Variants in CNOT6 observed in about 807,000 individuals in gnomAD.
CNOT6 encodes CCR4-NOT transcription complex subunit 6.
A neutral mutation model predicts 61.2 loss-of-function variants in CNOT6; 12 were observed. The observed-to-expected ratio is 0.20, with a 90% CI of 0.13 to 0.32. CNOT6 has a LOEUF of 0.32. Ranked by LOEUF, CNOT6 falls within the 10% of genes least tolerant of loss-of-function variation. CNOT6 has a pLI of 1.00. For synonymous variants in CNOT6, 225 were observed against 240.6 expected (o/e 0.94, Z 0.60); for missense variants, 405 against 663.9 (o/e 0.61, Z 4.28).
At chr5:180,564,166 C>T (rs1389513948) in intron 4 of CNOT6, among the ~76,000 whole-genome samples, 4 of 152,168 alleles carry the variant, frequency 2.6e-5, no homozygotes, top group South Asian at 2.1e-4. Flanking sequence ...CTGCCTGCCC[C>T]GTTCGTGTTT....
intron 1 of CNOT6, among the ~76,000 whole-genome samples, chr5:180,499,908 G>C (rs72811140): frequency 6.6e-6 from 1 of 152,202 alleles, no homozygotes; most frequent in South Asian, 2.1e-4. Context: ...AACTGACTTA[G>C]CTGGTGGGTG....
At chr5:180,538,034 C>CTTTT (rs57646217) in intron 2 of CNOT6, among the ~76,000 whole-genome samples, 11 of 74,366 alleles carry the variant, frequency 1.5e-4, no homozygotes, top group Admixed American at 1.6e-4. Context: ...GGAACATCAT[C>CTTTT]TTTTTTTTTT....
At chr5:180,532,881 A>G (rs1758463134) in intron 2 of CNOT6, among the ~76,000 whole-genome samples, 1 of 152,226 alleles carries the variant, frequency 6.6e-6, no homozygotes, top group African/African-American at 2.4e-5. Flanking sequence ...AAGGATACAG[A>G]TGAAAAGATG....
intron 1 of CNOT6, among the ~76,000 whole-genome samples, chr5:180,508,833 A>ATT (rs61361377): frequency 0.39 from 56,839 of 145,642 alleles, 12,223 homozygotes; most frequent in Middle Eastern, 0.51. Flanking sequence ...TATTATTATT[A>ATT]TTTTTTTTTG....
chr5:180,558,486 C>G (rs1449961859), intron 4 of CNOT6, among the ~76,000 whole-genome samples: 1 of 149,878 alleles, frequency 6.7e-6, no homozygotes, highest in African/African-American at 2.4e-5. Context: ...CAGGAAGGCG[C>G]GCCCTCCTTC....
chr5:180,507,371 G>A (rs1350754802), intron 1 of CNOT6, among the ~76,000 whole-genome samples: 1 of 152,176 alleles, frequency 6.6e-6, no homozygotes, highest in Non-Finnish European at 1.5e-5. Flanking sequence ...AGGCCCAGGC[G>A]GGCAGATCAC....
intron 2 of CNOT6, among the ~76,000 whole-genome samples, chr5:180,539,780 A>C (rs543519715): frequency 2.6e-5 from 4 of 151,394 alleles, no homozygotes; most frequent in African/African-American, 9.7e-5. Flanking sequence ...TAGTAGAGAC[A>C]GGGCTTCACC....
At chr5:180,552,836 CTGT>C (rs34629311) in intron 3 of CNOT6, among the ~76,000 whole-genome samples, 38,357 of 151,890 alleles carry the variant, frequency 0.25, 5,811 homozygotes, top group Middle Eastern at 0.4. Flanking sequence ...AATACAGCTG[CTGT>C]TATTTTTTAA....
intron 1 of CNOT6, among the ~76,000 whole-genome samples, chr5:180,516,182 A>ATT (rs11309577): frequency 6.1e-4 from 84 of 137,962 alleles, no homozygotes; most frequent in East Asian, 4.5e-3. Context: ...AAAATTCAGG[A>ATT]TTTTTTTTTT....
chr5:180,505,079 C>G (rs1757061336), intron 1 of CNOT6, among the ~76,000 whole-genome samples: 1 of 150,374 alleles, frequency 6.7e-6, no homozygotes, highest in African/African-American at 2.5e-5. Context: ...CTGCCTCAGC[C>G]TCCCAAGTAG....
chr5:180,563,180 C>CAGTT (rs1347017907), intron 4 of CNOT6, among the ~76,000 whole-genome samples: 1 of 152,042 alleles, frequency 6.6e-6, no homozygotes, highest in Non-Finnish European at 1.5e-5. Flanking sequence ...CAGTGTTTGC[C>CAGTT]AACCTCTTCT....
Position 180,564,730 on chromosome 5 carries a change from G to C in CNOT6, c.546G>C (p.Arg182Ser), listed in dbSNP as rs188923586. 3.1e-6 allele frequency: 5 copies of C among 1,613,370 alleles called. No individual in the cohort carries two copies. The East Asian group carries it at 1.1e-4, about 36-fold the overall frequency. The change falls in exon 6 of 12, where the codon AGG (arginine) becomes AGC (serine). Residue 182 changes from arginine to serine, a missense_variant. Physicochemically the swap from Arg to Ser is moderately radical, Grantham distance 110. Coordinates refer to ENST00000261951, the MANE Select transcript of CNOT6 (RefSeq NM_001370472.1). ...GGATTATGTTACAAGAACCAGATAGGACAAGGCCAACTGGTTGGTAGTCTT... is the reference window on the plus strand; with the variant it reads ...GGATTATGTTACAAGAACCAGATAGCACAAGGCCAACTGGTTGGTAGTCTT... Reference protein sequence around the residue: ...RSWIMLQEPDRTRPTALFSVM... With the variant: ...RSWIMLQEPDSTRPTALFSVM...
chr5:180,540,839 A>G (rs1213684834), intron 2 of CNOT6, among the ~76,000 whole-genome samples: 2 of 152,188 alleles, frequency 1.3e-5, no homozygotes, highest in Admixed American at 6.5e-5. Flanking sequence ...TTGTTATTTT[A>G]CTTTAAACAC....
At chr5:180,517,605 G>A (rs952839459) in intron 1 of CNOT6, among the ~76,000 whole-genome samples, 21 of 151,086 alleles carry the variant, frequency 1.4e-4, no homozygotes, top group African/African-American at 4.6e-4. Flanking sequence ...GTGCAGTGGC[G>A]CGATCTTGGC....
Position 180,564,814 on chromosome 5 carries a change from G to A in CNOT6, c.559+71G>A, listed in dbSNP as rs898434028. On this transcript the variant is annotated intron_variant, in intron 6 of 11. Coordinates refer to ENST00000261951, the MANE Select transcript of CNOT6 (RefSeq NM_001370472.1). The stretch of plus-strand genomic sequence containing the variant: ...ATAAGCCTAACAGTATTGTCAGCAT[G>A]CTTAGATTACAGGTAGCATTAAGAC... 3 of 1,161,646 alleles carry A rather than the reference G, an allele frequency of 2.6e-6. No homozygotes were observed. In the African/African-American group the frequency reaches 4.6e-5, roughly 18 times the overall value. 72.0% of individuals were successfully genotyped at this position (1,161,646 alleles called of 1,614,324 possible).
chr5:180,568,233 T>TTG (rs1760561728), intron 9 of CNOT6, among the ~76,000 whole-genome samples: 2 of 49,756 alleles, frequency 4.0e-5, no homozygotes, highest in South Asian at 1.3e-3. Context: ...AAAAAACCTT[T>TTG]TTTTTTTTTT....
At chr5:180,567,749 G>GT (rs1760536202) in intron 8 of CNOT6, 100 bp from the exon 9 acceptor site, 1 of 1,508,712 alleles carries the variant, frequency 6.6e-7, no homozygotes, top group Non-Finnish European at 9.2e-7. Flanking sequence ...AAGTGCCATC[G>GT]TATCTGTTAA....
At chr5:180,529,975 G>A (rs1278940312) in intron 2 of CNOT6, among the ~76,000 whole-genome samples, 2 of 152,224 alleles carry the variant, frequency 1.3e-5, no homozygotes, top group Non-Finnish European at 2.9e-5. Context: ...GCCCTCAGAT[G>A]TGAAGGATAT....
At chr5:180,535,419 T>C (rs1758632900) in intron 2 of CNOT6, among the ~76,000 whole-genome samples, 1 of 152,232 alleles carries the variant, frequency 6.6e-6, no homozygotes, top group Non-Finnish European at 1.5e-5. Flanking sequence ...GGTATTTGAC[T>C]GTTTCTGAGT....
Sources: gnomAD v4.1 joint callset for allele counts (sites outside exome capture counted in the v4.1 genomes callset) on GRCh38, gnomAD v4.1.1 for gene constraint, MANE v1.5 for transcripts, NCBI Gene and HGNC (gene_info 2026-07-23, HGNC 2026-07-21) for gene names.